SNX1: variants seen among roughly 807,000 people sequenced by gnomAD.
SNX1 encodes sorting nexin 1, also known as sorting nexin-1.
Under a neutral mutation model 71.8 loss-of-function variants are expected in SNX1, and 36 were observed. The ratio of observed to expected loss-of-function variants is 0.50; its 90% CI spans 0.38 to 0.66. The LOEUF (loss-of-function observed/expected upper bound fraction) is 0.66. Ranked by LOEUF, SNX1 falls within the 30% of genes least tolerant of loss-of-function variation. The pLI, the probability that SNX1 is intolerant of heterozygous loss-of-function variation, is 0.00. For synonymous variants in SNX1, 254 were observed against 240.7 expected, an observed-to-expected ratio of 1.06 and a Z score of -0.51; for missense variants, 612 against 646.7, an observed-to-expected ratio of 0.95 and a Z score of 0.58.
Position 64,134,672 on chromosome 15 carries a change from C to T in SNX1, c.1230C>T (p.Phe410=), listed in dbSNP as rs370664615. The T allele has an allele frequency of 5.3e-5, 85 of 1,611,248 alleles. No homozygotes were observed. The highest frequency in any genetic ancestry group is 7.0e-5 in the Non-Finnish European group (83 of 1,178,964). The change falls in exon 12 of 15, where the codon TTC becomes TTT. Residue 410 remains phenylalanine, a synonymous_variant. Transcript: ENST00000559844. The surrounding 1 kb of genome is among the most constrained non-coding windows in gnomAD (Gnocchi z 4.1). ...CAACCCCACCCCCACAGGCTGCCTT[C>T]GACCAGCGCATGAAGACATGGCAGC... is the stretch of plus-strand genomic sequence containing the variant. ...IRLLAIVRAA[F]DQRMKTWQRW...
At chr15:64,133,464 T>C (rs1314505413) in intron 11 of SNX1, among the ~76,000 whole-genome samples, 2 of 152,180 alleles carry the variant, frequency 1.3e-5, no homozygotes, top group African/African-American at 2.4e-5. Context: ...GCGTGGTGGC[T>C]CACGCCTGTA....
At position 64,138,325 on chromosome 15, in the gene SNX1, C is replaced by A; in HGVS notation, c.*707C>A. On this transcript the variant is annotated 3_prime_UTR_variant, in exon 15 of 15. Transcript: ENST00000559844. ...AAGGAGGCAGAGACTTTCTCTCTCT[C>A]TTTTTTTTTTTTTTTTGGTGTCCCT... The A allele has an allele frequency of 1.1e-5, 6 of 550,454 alleles. No individual in the cohort carries two copies. The highest frequency in any genetic ancestry group is 4.1e-5 in the Admixed American group (1 of 24,350). The allele number at this position is 550,454 out of a possible 1,614,324, so 34.1% of individuals were successfully genotyped here. A position where few individuals can be genotyped will look rare whatever the true frequency, so the allele number is the denominator to read the frequency against.
chr15:64,134,595 TG>T lies in SNX1; in HGVS notation c.1222-68del. 1 of 1,539,742 alleles carries T rather than the reference TG, an allele frequency of 6.5e-7. No individual in the cohort carries two copies. The highest frequency in any genetic ancestry group is 8.8e-7 in the Non-Finnish European group (1 of 1,139,406). On this transcript the variant is annotated intron_variant, in intron 11 of 14. Transcript: ENST00000559844. This position sits in a 1 kb window ranked among gnomAD's most constrained non-coding sequence, Gnocchi z 4.1. ...CCCTGGTGCAGCTGCTGGGAGAGCC[TG>T]CCTCGAGGCAGAGCCAGCAGAGCTC...
intron 4 of SNX1, among the ~76,000 whole-genome samples, chr15:64,120,677 CAA>C (rs1173903463): frequency 1.3e-5 from 2 of 151,720 alleles, no homozygotes; most frequent in Admixed American, 6.6e-5. Context: ...CCTGTCTCTA[CAA>C]AAAAATAAAA....
intron 2 of SNX1, among the ~76,000 whole-genome samples, chr15:64,117,591 C>T (rs998547527): frequency 1.3e-5 from 2 of 152,152 alleles, no homozygotes; most frequent in Non-Finnish European, 2.9e-5. Context: ...ATAAATAGGG[C>T]TCATATAATG....
rs1329941023 is a variant in SNX1, at chr15:64,140,775, G to A, written c.*3157G>A. On this transcript the variant is annotated 3_prime_UTR_variant, in exon 15 of 15. Transcript: ENST00000559844. ...ATTTTTGCATTTTTGGTAGAAATGGGGGTTTTACCATGTTGGGGAGGCTGG... is the reference window on the plus strand; with the variant it reads ...ATTTTTGCATTTTTGGTAGAAATGGAGGTTTTACCATGTTGGGGAGGCTGG... 2.0e-5 allele frequency: 3 copies of A among 152,034 alleles called. No homozygotes were observed. The highest frequency in any genetic ancestry group is 2.0e-4 in the Admixed American group (3 of 15,246). 9.4% of individuals were successfully genotyped at this position (152,034 alleles called of 1,614,324 possible).
chr15:64,100,635 A>G (rs544534514), intron 1 of SNX1, among the ~76,000 whole-genome samples: 1 of 150,746 alleles, frequency 6.6e-6, no homozygotes, highest in East Asian at 1.9e-4. Flanking sequence ...AAGAGACTCA[A>G]AAAAATTACT....
intron 11 of SNX1, among the ~76,000 whole-genome samples, chr15:64,133,833 C>T (rs1240337948): frequency 6.6e-6 from 1 of 152,222 alleles, no homozygotes; most frequent in Non-Finnish European, 1.5e-5. Flanking sequence ...ATCCAGGCTG[C>T]TGCTTGGGGC....
rs1199984779 is a variant in SNX1 at position 64,143,903 on chromosome 15, A to G, written c.*6285A>G. ...AAAACTGAAGCCAATTGAAATGTCCATCAGGAGGGGATTAAATGAATTATG... is the reference window on the plus strand; with the variant it reads ...AAAACTGAAGCCAATTGAAATGTCCGTCAGGAGGGGATTAAATGAATTATG... On this transcript the variant is annotated 3_prime_UTR_variant, in exon 15 of 15. Transcript: ENST00000559844. The G allele has an allele frequency of 6.6e-6, 1 of 152,228 alleles. No individual in the cohort carries two copies. The highest frequency in any genetic ancestry group is 2.4e-5 in the African/African-American group (1 of 41,472). The allele number at this position is 152,228 out of a possible 1,614,324, so 9.4% of individuals were successfully genotyped here.
At chr15:64,123,945 A>G (rs921215078) in intron 5 of SNX1, among the ~76,000 whole-genome samples, 34 of 151,980 alleles carry the variant, frequency 2.2e-4, no homozygotes, top group African/African-American at 7.3e-4. Context: ...TCTTTTGTAT[A>G]TAATATTAAT....
In SNX1 at chr15:64,127,136, T is replaced by A; in HGVS notation, c.653-38T>A. 2.8e-6 allele frequency: 4 copies of A among 1,446,788 alleles called. No individual in the cohort carries two copies. The South Asian group carries it at 3.6e-5, about 13-fold the overall frequency. 89.6% of individuals were successfully genotyped at this position (1,446,788 alleles called of 1,614,324 possible). ...AAAAAAAGATTTATCCTCTTCATGA[T>A]GATTTATGGTTATTTTGCTTTTTAA... On this transcript the variant is annotated intron_variant, in intron 6 of 14. Transcript: ENST00000559844.
intron 1 of SNX1, 137 bp from the exon 2 acceptor site, chr15:64,112,435 AT>A: frequency 1.7e-6 from 1 of 586,242 alleles, no homozygotes; most frequent in Non-Finnish European, 3.0e-6. Context: ...GGCAGCACTT[AT>A]TTTACTAATA....
chr15:64,137,627 G>C lies in SNX1; in HGVS notation c.*9G>C, dbSNP rs755946191. 31 of 1,614,048 alleles carry C rather than the reference G, an allele frequency of 1.9e-5. No individual in the cohort carries two copies. The South Asian group carries it at 3.3e-4, about 17-fold the overall frequency. On this transcript the variant is annotated 3_prime_UTR_variant, in exon 15 of 15. Transcript: ENST00000559844. Reference sequence around the variant, plus strand: ...CAAAGGCCATCTCCTAATGGACCAAGGACCCCAGAGCCCACCTGTGTGACG... The same window carrying C: ...CAAAGGCCATCTCCTAATGGACCAACGACCCCAGAGCCCACCTGTGTGACG...
chr15:64,131,732 T>C lies in SNX1; in HGVS notation c.1061T>C (p.Leu354Pro). Residue 354 changes from leucine to proline, a missense_variant, in exon 11 of 15, where the codon CTT (leucine) becomes CCT (proline). Coordinates refer to ENST00000559844, the MANE Select transcript of SNX1 (RefSeq NM_003099.5). The stretch of plus-strand genomic sequence containing the variant: ...CAGTTTGCAAAGAGTCTAGCCATGC[T>C]TGGGAGCTCTGAGGACAACACGGCA... ...TAQFAKSLAM[L>P]GSSEDNTALS... is the part of the protein sequence containing the mutation. 1 of 1,614,212 alleles carries C rather than the reference T, an allele frequency of 6.2e-7. No individual in the cohort carries two copies. The highest frequency in any genetic ancestry group is 8.5e-7 in the Non-Finnish European group (1 of 1,180,042).
intron 5 of SNX1, 40 bp downstream of exon 5, chr15:64,123,586 C>G: frequency 1.3e-6 from 2 of 1,539,318 alleles, no homozygotes; most frequent in East Asian, 2.2e-5. Context: ...TCTTCATAGA[C>G]TTTGGTGCTT....
chr15:64,110,108 AG>A (rs2081064105), intron 1 of SNX1, among the ~76,000 whole-genome samples: 1 of 152,212 alleles, frequency 6.6e-6, no homozygotes, highest in African/African-American at 2.4e-5. Flanking sequence ...AGTAACTAAA[AG>A]TGGGATTTTT....
chr15:64,106,929 A>C (rs560876562), intron 1 of SNX1, among the ~76,000 whole-genome samples: 22 of 152,314 alleles, frequency 1.4e-4, no homozygotes, highest in African/African-American at 4.8e-4. Context: ...TAAATTTGTG[A>C]TGATTTGTTG....
At chr15:64,103,041 A>G (rs1178665877) in intron 1 of SNX1, among the ~76,000 whole-genome samples, 2 of 152,174 alleles carry the variant, frequency 1.3e-5, no homozygotes, top group Non-Finnish European at 2.9e-5. Flanking sequence ...TGTTGGGATT[A>G]CAGGTGTGAG....
rs905107847 is a variant in SNX1, at chr15:64,137,060, T to C, written c.1518+128T>C. 5.9e-6 allele frequency: 4 copies of C among 678,892 alleles called. No homozygotes were observed. The African/African-American group carries it at 7.3e-5, about 12-fold the overall frequency. 42.1% of individuals were successfully genotyped at this position (678,892 alleles called of 1,614,324 possible). On this transcript the variant is annotated intron_variant, in intron 14 of 14. Transcript: ENST00000559844. ...GGCTGGGCCCTCCTATAGTCCATCA[T>C]TGAAAATAGGTCCTGCTGCTCTGAC...
Sources: gnomAD v4.1 joint callset for allele counts (sites outside exome capture counted in the v4.1 genomes callset) on GRCh38, gnomAD v4.1.1 for gene constraint, Gnocchi (gnomAD v3.1) non-coding constraint, MANE v1.5 for transcripts, NCBI Gene and HGNC (gene_info 2026-07-23, HGNC 2026-07-21) for gene names.